Variants in NTM observed in about 807,000 individuals in gnomAD.
The protein encoded by NTM is IgLON family member 2.
A neutral mutation model predicts 42.1 loss-of-function variants in NTM; 13 were observed. That is an observed-to-expected ratio of 0.31 (90% CI 0.20 to 0.49). The LOEUF (loss-of-function observed/expected upper bound fraction) is 0.49, where lower values mean the gene tolerates loss of function less well. Among genes scored for constraint, NTM ranks in the 20% least tolerant of loss-of-function variants. The pLI is 0.99. For synonymous variants in NTM, 187 were observed against 179.2 expected, an observed-to-expected ratio of 1.04 and a Z score of -0.35; for missense variants, 373 against 452.8, an observed-to-expected ratio of 0.82 and a Z score of 1.60.
chr11:132,081,700 G>A (rs1210834056), intron 2 of NTM, among the ~76,000 whole-genome samples: 1 of 151,294 alleles, frequency 6.6e-6, no homozygotes. Context: ...CTCCAGCCTG[G>A]GCGATAGAGC....
intron 7 of NTM, among the ~76,000 whole-genome samples, chr11:132,323,762 A>G (rs1357930680): frequency 2.0e-5 from 3 of 152,156 alleles, no homozygotes; most frequent in Non-Finnish European, 2.9e-5. Context: ...ATGAACATTG[A>G]TGCAAAATCC....
At chr11:131,980,911 CTATGTT>C (rs1352992085) in intron 2 of NTM, among the ~76,000 whole-genome samples, 2 of 152,184 alleles carry the variant, frequency 1.3e-5, no homozygotes, top group African/African-American at 4.8e-5. Flanking sequence ...AAATCCGACT[CTATGTT>C]TATGGGAAGT....
At chr11:131,806,529 G>T (rs1205905960) in intron 1 of NTM, among the ~76,000 whole-genome samples, 1 of 152,072 alleles carries the variant, frequency 6.6e-6, no homozygotes, top group Non-Finnish European at 1.5e-5. Flanking sequence ...GAGAAAGATT[G>T]TTGAGGATGT....
intron 4 of NTM, among the ~76,000 whole-genome samples, chr11:132,273,321 T>TG (rs1448176834): frequency 6.9e-6 from 1 of 144,670 alleles, no homozygotes; most frequent in Non-Finnish European, 1.5e-5. Context: ...TTTTTTTTTT[T>TG]TTTTTTTTTT....
Position 131,905,028 on chromosome 11 carries a change from A to G in NTM, c.83-6536A>G, listed in dbSNP as rs987043582. On this transcript the variant is annotated intron_variant, in intron 1 of 8. Coordinates refer to ENST00000683400, the MANE Select transcript of NTM (RefSeq NM_001352005.2). Reference sequence around the variant, plus strand: ...GGTTCTCTGCATGAATGTTACCTGTAGGCTGACTCAGAATGAAGGAAGCAC... The same window carrying G: ...GGTTCTCTGCATGAATGTTACCTGTGGGCTGACTCAGAATGAAGGAAGCAC... Among the ~76,000 whole-genome samples the G allele has an allele frequency of 2.0e-5, 3 of 152,196 alleles. No individual in the cohort carries two copies. The South Asian group carries it at 6.2e-4, about 32-fold the overall frequency.
chr11:131,444,607 T>C (rs527486143), intron 1 of NTM, among the ~76,000 whole-genome samples: 19 of 152,228 alleles, frequency 1.2e-4, no homozygotes, highest in African/African-American at 4.3e-4. Context: ...ATGGCATAAA[T>C]TGAGGGCTTT....
intron 1 of NTM, among the ~76,000 whole-genome samples, chr11:131,713,122 C>T (rs987839922): frequency 1.3e-5 from 2 of 151,930 alleles, no homozygotes; most frequent in African/African-American, 4.8e-5. Flanking sequence ...TTTAGTCTCT[C>T]ATTGTAGGAA....
intron 2 of NTM, among the ~76,000 whole-genome samples, chr11:131,982,014 A>G (rs1267866691): frequency 6.6e-6 from 1 of 152,052 alleles, no homozygotes; most frequent in Non-Finnish European, 1.5e-5. Flanking sequence ...TCCATCTCAA[A>G]AATAAAAAAG....
At chr11:131,642,055 T>C (rs1462880098) in intron 1 of NTM, among the ~76,000 whole-genome samples, 1 of 152,148 alleles carries the variant, frequency 6.6e-6, no homozygotes, top group Non-Finnish European at 1.5e-5. Flanking sequence ...ACATCCAATC[T>C]TTAAAATGAC....
At chr11:131,388,980 C>A (rs959930109) in intron 1 of NTM, among the ~76,000 whole-genome samples, 1 of 136,950 alleles carries the variant, frequency 7.3e-6, no homozygotes, top group African/African-American at 2.8e-5. Context: ...CCAATGCACT[C>A]CAGCCTGGGC....
At chr11:131,955,792 C>T (rs373416054) in intron 2 of NTM, among the ~76,000 whole-genome samples, 14 of 152,066 alleles carry the variant, frequency 9.2e-5, no homozygotes, top group African/African-American at 3.1e-4. Context: ...CACTCTAGCC[C>T]AATGACTCCA....
At chr11:132,286,617 A>C (rs1018996812) in intron 4 of NTM, among the ~76,000 whole-genome samples, 1 of 151,876 alleles carries the variant, frequency 6.6e-6, no homozygotes, top group African/African-American at 2.4e-5. Flanking sequence ...GATACTTCTG[A>C]TACTCAATGG....
intron 1 of NTM, among the ~76,000 whole-genome samples, chr11:131,436,685 T>C (rs1404038609): frequency 6.6e-6 from 1 of 152,202 alleles, no homozygotes; most frequent in Non-Finnish European, 1.5e-5. Flanking sequence ...TTCTTCTTTA[T>C]TAGTCTTGCT....
chr11:132,304,870 G>A (rs1225201853), intron 4 of NTM, among the ~76,000 whole-genome samples: 1 of 152,146 alleles, frequency 6.6e-6, no homozygotes, highest in Admixed American at 6.5e-5. Context: ...AGGGAACATA[G>A]GAAAGTAGGA....
At chr11:132,240,059 CTCCATCCGTCCATCCA>C (rs1248257565) in intron 4 of NTM, among the ~76,000 whole-genome samples, 1 of 149,596 alleles carries the variant, frequency 6.7e-6, no homozygotes, top group Non-Finnish European at 1.5e-5. Flanking sequence ...CCCTCCATCC[CTCCATCCGTCCATCCA>C]TCCATCCATC....
chr11:132,232,364 T>C (rs1017460572), intron 4 of NTM, among the ~76,000 whole-genome samples: 1 of 152,074 alleles, frequency 6.6e-6, no homozygotes, highest in Non-Finnish European at 1.5e-5. Flanking sequence ...CCCGCATTCA[T>C]GAAAGGAACT....
chr11:132,314,009 C>T lies in NTM; in HGVS notation c.783-543C>T, dbSNP rs192210079. Among the ~76,000 whole-genome samples, 560 of 152,288 alleles carry T rather than the reference C, an allele frequency of 3.7e-3. 13 individuals carry two copies. The highest frequency in any genetic ancestry group is 0.036 in the Admixed American group (548 of 15,294). On this transcript the variant is annotated intron_variant, in intron 6 of 8. Transcript: ENST00000683400. The stretch of plus-strand genomic sequence containing the variant: ...ATGAGAAAATGATGATTTTTCTCCT[C>T]TTCATAGCCAAAAAATTAAGTATTA...
intron 2 of NTM, among the ~76,000 whole-genome samples, chr11:131,952,395 G>T (rs1392703868): frequency 6.6e-6 from 1 of 152,114 alleles, no homozygotes; most frequent in African/African-American, 2.4e-5. Context: ...GTGTTTGTGT[G>T]TGCACACATA....
chr11:131,590,483 G>C (rs2059266732), intron 1 of NTM, among the ~76,000 whole-genome samples: 1 of 152,156 alleles, frequency 6.6e-6, no homozygotes, highest in South Asian at 2.1e-4. Flanking sequence ...CCAGAGATAG[G>C]GCCAGAGGAA....
Sources: gnomAD v4.1 joint callset for allele counts (sites outside exome capture counted in the v4.1 genomes callset) on GRCh38, gnomAD v4.1.1 for gene constraint, MANE v1.5 for transcripts, NCBI Gene and HGNC (gene_info 2026-07-23, HGNC 2026-07-21) for gene names.